The following ATP1A1 variants were observed in gnomAD, a reference collection of about 807,000 sequenced individuals.
ATP1A1 encodes the protein ATPase Na+/K+ transporting subunit alpha 1.
Under a neutral mutation model 114.8 loss-of-function variants are expected in ATP1A1, and 14 were observed. The observed-to-expected ratio is 0.12, with a 90% CI of 0.08 to 0.19. The LOEUF (loss-of-function observed/expected upper bound fraction) is 0.19. Among genes scored for constraint, ATP1A1 ranks in the 10% least tolerant of loss-of-function variants. ATP1A1 has a pLI of 1.00. For synonymous variants in ATP1A1, 471 were observed against 466.3 expected (o/e 1.01, Z -0.13); for missense variants, 524 against 1,290.7 (o/e 0.41, Z 9.10).
At position 116,395,365 on chromosome 1, in the gene ATP1A1, C is replaced by A; in HGVS notation, c.1836+80C>A. Reference sequence around the variant, plus strand: ...TCAGTGAATGTTGCCTTTTGAGGTCCAGATGGCCAGCTGTTCTATCTCACC... The same window carrying A: ...TCAGTGAATGTTGCCTTTTGAGGTCAAGATGGCCAGCTGTTCTATCTCACC... On this transcript the variant is annotated intron_variant, in intron 13 of 22. Coordinates refer to ENST00000295598, the MANE Select transcript of ATP1A1 (RefSeq NM_000701.8). This position sits in a 1 kb window ranked among gnomAD's most constrained non-coding sequence, Gnocchi z 6.4. 2 of 1,481,528 alleles carry A rather than the reference C, an allele frequency of 1.3e-6. 1 individual carries two copies. Among genetic ancestry groups the A allele is most frequent in the South Asian group, 2.6e-5 (2 of 77,052 alleles). 91.8% of individuals were successfully genotyped at this position (1,481,528 alleles called of 1,614,324 possible).
Position 116,393,631 on chromosome 1 carries a change from T to G in ATP1A1, c.1568T>G (p.Leu523Arg). The G allele has an allele frequency of 1.2e-6, 2 of 1,614,146 alleles. No individual in the cohort carries two copies. The highest frequency in any genetic ancestry group is 1.7e-6 in the Non-Finnish European group (2 of 1,180,024). The change falls in exon 12 of 23, where the codon CTC becomes CGC. Residue 523 changes from leucine (L) to arginine (R), a missense_variant. Physicochemically the swap from Leu to Arg is moderately radical, Grantham distance 102 (BLOSUM62 -2). Around this residue, in one of 8 missense-constraint regions of ATP1A1, gnomAD observed 143 missense variants for 259.3 expected, o/e 0.55. Transcript: ENST00000295598. This position sits in a 1 kb window ranked among gnomAD's most constrained non-coding sequence, Gnocchi z 5.0. ...CTAGACCGTTGCAGCTCTATCCTCCTCCACGGCAAGGAGCAGCCCCTGGAT... is the reference window on the plus strand; with the variant it reads ...CTAGACCGTTGCAGCTCTATCCTCCGCCACGGCAAGGAGCAGCCCCTGGAT... ...RILDRCSSIL[L>R]HGKEQPLDEE...
Position 116,399,228 on chromosome 1 carries a change from G to A in ATP1A1, c.2448+144G>A, listed in dbSNP as rs1022063100. On this transcript the variant is annotated intron_variant, in intron 17 of 22. Transcript: ENST00000295598. The surrounding 1 kb of genome is among the most constrained non-coding windows in gnomAD (Gnocchi z 5.0). ...AGTATCCAGTGTGTGTCCCAATCCC[G>A]GCTTCACAGAATCAGTATTACCACT... The A allele has an allele frequency of 3.0e-5, 42 of 1,378,990 alleles. No individual in the cohort carries two copies. In the African/African-American group the frequency reaches 4.5e-4, roughly 15 times the overall value. The allele number at this position is 1,378,990 out of a possible 1,614,324, so 85.4% of individuals were successfully genotyped here. A position where few individuals can be genotyped will look rare whatever the true frequency, so the allele number is the denominator to read the frequency against.
intron 8 of ATP1A1, 33 bp from the exon 9 acceptor site, chr1:116,390,180 G>A: frequency 6.3e-7 from 1 of 1,598,892 alleles, no homozygotes; most frequent in African/African-American, 1.3e-5. Flanking sequence ...CAGCCTGGTT[G>A]AGTGAAGTAA....
In ATP1A1 at chr1:116,395,539, CAA is replaced by C. The variant is rs982323712; in HGVS notation, c.1836+257_1836+258del. ...AGAAATGTAAGCAAAGTAAAAACAG[CAA>C]AAGACTTGAAGTTTTAAAATACTTG... On this transcript the variant is annotated intron_variant, in intron 13 of 22. Transcript: ENST00000295598. The surrounding 1 kb of genome is among the most constrained non-coding windows in gnomAD (Gnocchi z 6.4). Among the ~76,000 whole-genome samples the C allele has an allele frequency of 6.6e-6, 1 of 152,144 alleles. No homozygotes were observed. The highest frequency in any genetic ancestry group is 2.4e-5 in the African/African-American group (1 of 41,450).
Position 116,389,151 on chromosome 1 carries a change from G to A in ATP1A1, c.754+132G>A. ...AACTTGTGTCAAGCACAGAGCAGAG[G>A]TGTTTTCCTAGCTGGCAGGAAACCT... On this transcript the variant is annotated intron_variant, in intron 7 of 22. Transcript: ENST00000295598. This position sits in a 1 kb window ranked among gnomAD's most constrained non-coding sequence, Gnocchi z 6.9. 2 of 985,108 alleles carry A rather than the reference G, an allele frequency of 2.0e-6. No homozygotes were observed. The highest frequency in any genetic ancestry group is 3.1e-6 in the Non-Finnish European group (2 of 649,358). 61.0% of individuals were successfully genotyped at this position (985,108 alleles called of 1,614,324 possible). A position where few individuals can be genotyped will look rare whatever the true frequency, so the allele number is the denominator to read the frequency against.
In ATP1A1 at chr1:116,395,397, A is replaced by G. The variant is rs558428332; in HGVS notation, c.1836+112A>G. On this transcript the variant is annotated intron_variant, in intron 13 of 22. Transcript: ENST00000295598. This position sits in a 1 kb window ranked among gnomAD's most constrained non-coding sequence, Gnocchi z 6.4. ...CCAGCTGTTCTATCTCACCTGGAGT[A>G]TTAATTTCTCATCTCCAAAGCTTTA... The G allele has an allele frequency of 6.9e-6, 8 of 1,159,690 alleles. No homozygotes were observed. In the South Asian group the frequency reaches 1.3e-4, roughly 18 times the overall value. 71.8% of individuals were successfully genotyped at this position (1,159,690 alleles called of 1,614,324 possible).
chr1:116,404,078 AGTCT>A lies in ATP1A1; in HGVS notation c.3043+105_3043+108del. 2 of 1,124,538 alleles carry A rather than the reference AGTCT, an allele frequency of 1.8e-6. No individual in the cohort carries two copies. Among genetic ancestry groups the A allele is most frequent in the Non-Finnish European group, 2.6e-6 (2 of 770,704 alleles). The allele number at this position is 1,124,538 out of a possible 1,614,324, so 69.7% of individuals were successfully genotyped here. On this transcript the variant is annotated intron_variant, in intron 22 of 22. Coordinates refer to ENST00000295598, the MANE Select transcript of ATP1A1 (RefSeq NM_000701.8). The surrounding 1 kb of genome is among the most constrained non-coding windows in gnomAD (Gnocchi z 4.8). ...AGGTGTCTAGGCTCCCTCAGTGGTC[AGTCT>A]GATTAGCTAAGGTGACTGGACCAGC...
rs562829108 is a variant in ATP1A1 at position 116,389,825 on chromosome 1, T to C, written c.1023+118T>C. On this transcript the variant is annotated intron_variant, in intron 8 of 22. Transcript: ENST00000295598. This position sits in a 1 kb window ranked among gnomAD's most constrained non-coding sequence, Gnocchi z 6.9. ...GTTTTATTCTGGATGTTTGATATAG[T>C]TCTTCTTGAGAGCCACATCACGTGG... is the stretch of plus-strand genomic sequence containing the variant. 13 of 1,410,904 alleles carry C rather than the reference T, an allele frequency of 9.2e-6. 1 individual carries two copies. In the South Asian group the frequency reaches 1.5e-4, roughly 17 times the overall value. The allele number at this position is 1,410,904 out of a possible 1,614,324, so 87.4% of individuals were successfully genotyped here. A position where few individuals can be genotyped will look rare whatever the true frequency, so the allele number is the denominator to read the frequency against.
chr1:116,373,962 G>A (rs1279252609), intron 1 of ATP1A1: 2 of 1,345,242 alleles, frequency 1.5e-6, no homozygotes, highest in Non-Finnish European at 1.9e-6. Flanking sequence ...TTTTCCCTCC[G>A]CCCTCCGTGC....
chr1:116,393,350 A>AT lies in ATP1A1; in HGVS notation c.1468-168dup, dbSNP rs60076505. ...AATTTATGAATATATCATAGTGCTC[A>AT]TTTTTTTTTTTTTCTGTAGCATTCA... On this transcript the variant is annotated intron_variant, in intron 11 of 22. Transcript: ENST00000295598. The surrounding 1 kb of genome is among the most constrained non-coding windows in gnomAD (Gnocchi z 5.0). Among the ~76,000 whole-genome samples the AT allele has an allele frequency of 2.2e-3, 319 of 144,388 alleles. No homozygotes were observed. The highest frequency in any genetic ancestry group is 2.6e-3 in the Non-Finnish European group (167 of 65,216). 94.7% of individuals were successfully genotyped at this position (144,388 alleles called of 152,430 possible).
chr1:116,383,917 A>G (rs1031303918), intron 1 of ATP1A1, 97 bp from the exon 2 acceptor site: 2 of 983,506 alleles, frequency 2.0e-6, no homozygotes, highest in Non-Finnish European at 3.2e-6. Context: ...CCAAATTATG[A>G]CTACCTTAAA....
chr1:116,398,799 A>C lies in ATP1A1; in HGVS notation c.2293+10A>C. On this transcript the variant is annotated intron_variant, in intron 16 of 22. Coordinates refer to ENST00000295598, the MANE Select transcript of ATP1A1 (RefSeq NM_000701.8). The surrounding 1 kb of genome is among the most constrained non-coding windows in gnomAD (Gnocchi z 6.1). The stretch of plus-strand genomic sequence containing the variant: ...ACTGGAGTAGAGGAAGGTGAGAGCT[A>C]TTTAAGGTGTACACCAAGATCTTAT... 1.2e-6 allele frequency: 2 copies of C among 1,613,858 alleles called. No homozygotes were observed. The highest frequency in any genetic ancestry group is 1.7e-6 in the Non-Finnish European group (2 of 1,179,806).
Position 116,384,491 on chromosome 1 carries a change from T to C in ATP1A1, c.124-292T>C, listed in dbSNP as rs1435409560. The stretch of plus-strand genomic sequence containing the variant: ...CGACCTGGTCATCAGAGAAGGCAGA[T>C]AAGGTTTTACTAGATCCCTGAGAGC... On this transcript the variant is annotated intron_variant, in intron 2 of 22. Transcript: ENST00000295598. The surrounding 1 kb of genome is among the most constrained non-coding windows in gnomAD (Gnocchi z 5.1). Among the ~76,000 whole-genome samples the C allele has an allele frequency of 1.3e-5, 2 of 152,132 alleles. No individual in the cohort carries two copies. Among genetic ancestry groups the C allele is most frequent in the Non-Finnish European group, 2.9e-5 (2 of 68,024 alleles).
intron 12 of ATP1A1, 115 bp from the exon 13 acceptor site, chr1:116,394,995 A>C (rs1227353881): frequency 1.9e-6 from 2 of 1,074,408 alleles, no homozygotes; most frequent in Admixed American, 2.6e-5. Context: ...ATAGACTTTA[A>C]AAATTTTCCA....
Position 116,381,985 on chromosome 1 carries a change from G to A in ATP1A1, c.13-2029G>A, listed in dbSNP as rs986587773. Among the ~76,000 whole-genome samples the A allele has an allele frequency of 2.6e-5, 4 of 152,100 alleles. No individual in the cohort carries two copies. The highest frequency in any genetic ancestry group is 9.7e-5 in the African/African-American group (4 of 41,416). On this transcript the variant is annotated intron_variant, in intron 1 of 22. Coordinates refer to ENST00000295598, the MANE Select transcript of ATP1A1 (RefSeq NM_000701.8). This position sits in a 1 kb window ranked among gnomAD's most constrained non-coding sequence, Gnocchi z 5.1. Reference sequence around the variant, plus strand: ...AGGTAAGGAGTTCAAGACCAGCCTGGCCAAGATGGTGAAACCCCGTCTCTA... The same window carrying A: ...AGGTAAGGAGTTCAAGACCAGCCTGACCAAGATGGTGAAACCCCGTCTCTA...
rs1398866555 is a variant in ATP1A1 at position 116,395,644 on chromosome 1, G to A, written c.1836+359G>A. Among the ~76,000 whole-genome samples the A allele has an allele frequency of 2.6e-5, 4 of 152,228 alleles. No homozygotes were observed. Among genetic ancestry groups the A allele is most frequent in the Non-Finnish European group, 5.9e-5 (4 of 68,038 alleles). On this transcript the variant is annotated intron_variant, in intron 13 of 22. Transcript: ENST00000295598. This position sits in a 1 kb window ranked among gnomAD's most constrained non-coding sequence, Gnocchi z 6.4. ...TTCAGTTAACTGTTTGTTAATGAGT[G>A]TTTGGTGTCCTCTGTGTATCTGTCT...
At chr1:116,396,523 C>T (rs1176704691) in intron 13 of ATP1A1, 75 bp from the exon 14 acceptor site, 23 of 1,545,012 alleles carry the variant, frequency 1.5e-5, no homozygotes, top group Non-Finnish European at 1.9e-5. Context: ...AGTATTTACT[C>T]TTGCCTACTG....
chr1:116,386,462 C>T (rs974319270), intron 3 of ATP1A1, among the ~76,000 whole-genome samples: 1 of 152,136 alleles, frequency 6.6e-6, no homozygotes, highest in African/African-American at 2.4e-5. Context: ...GCACTGAATT[C>T]AGTTCCTGGC....
intron 8 of ATP1A1, 38 bp from the exon 9 acceptor site, chr1:116,390,175 T>C: frequency 1.3e-6 from 2 of 1,589,752 alleles, no homozygotes; most frequent in Non-Finnish European, 1.7e-6. Flanking sequence ...AATTCCAGCC[T>C]GGTTGAGTGA....
Sources: allele counts gnomAD v4.1 joint callset (sites outside exome capture counted in the v4.1 genomes callset), GRCh38; gene constraint gnomAD v4.1.1; regional missense constraint gnomAD v4.1.1; non-coding constraint Gnocchi (gnomAD v3.1); transcripts MANE v1.5; gene names NCBI Gene and HGNC (gene_info 2026-07-23, HGNC 2026-07-21).